NCAM2: variants seen among roughly 807,000 people sequenced by gnomAD.
NCAM2 encodes neural cell adhesion molecule 2, also known as N-CAM-2.
In NCAM2, 30 loss-of-function variants were observed where a neutral mutation model predicts 98.1. The ratio of observed to expected loss-of-function variants is 0.31; its 90% CI spans 0.23 to 0.41. The LOEUF (loss-of-function observed/expected upper bound fraction) is 0.41, where lower values mean the gene tolerates loss of function less well. Among genes scored for constraint, NCAM2 ranks in the 10% least tolerant of loss-of-function variants. NCAM2 has a pLI of 1.00. For missense variants in NCAM2, 867 were observed against 1,005.8 expected (o/e 0.86, Z 1.87); for synonymous variants, 368 against 342.4 (o/e 1.07, Z -0.83).
At chr21:21,086,706 C>A (rs2065911630) in intron 1 of NCAM2, among the ~76,000 whole-genome samples, 1 of 152,058 alleles carries the variant, frequency 6.6e-6, no homozygotes, top group African/African-American at 2.4e-5. Context: ...TTTTGGGGTA[C>A]TGAAATGTGC....
chr21:21,394,237 T>C (rs919919746), intron 9 of NCAM2, among the ~76,000 whole-genome samples: 5 of 152,158 alleles, frequency 3.3e-5, no homozygotes, highest in African/African-American at 1.2e-4. Flanking sequence ...CTGAATCCAG[T>C]TAATTGTCAT....
intron 5 of NCAM2, among the ~76,000 whole-genome samples, chr21:21,311,988 C>T (rs964977040): frequency 3.3e-5 from 5 of 152,082 alleles, no homozygotes; most frequent in African/African-American, 7.2e-5. Flanking sequence ...TCTGACTGTA[C>T]GTCTTAAATC....
intron 1 of NCAM2, among the ~76,000 whole-genome samples, chr21:21,109,366 G>C (rs1003191245): frequency 6.6e-6 from 1 of 151,982 alleles, no homozygotes; most frequent in African/African-American, 2.4e-5. Flanking sequence ...CCATGAATTA[G>C]CTTTCACAGG....
intron 9 of NCAM2, among the ~76,000 whole-genome samples, chr21:21,409,358 G>A (rs1015402617): frequency 3.3e-5 from 5 of 152,190 alleles, no homozygotes; most frequent in South Asian, 2.1e-4. Context: ...ATAGGGAATC[G>A]TAAGAATAGG....
In NCAM2 at chr21:21,455,603, A is replaced by G. The variant is rs79371971; in HGVS notation, c.1655-11003A>G. 3.7e-3 allele frequency among the ~76,000 whole-genome samples: 564 copies of G among 152,152 alleles called. 5 individuals carry two copies. The highest frequency in any genetic ancestry group is 0.012 in the African/African-American group (505 of 41,560). ...TCAAAATAACGTGTAATCTTTCAAA[A>G]TAGCATTAGAAAAATATAATGCAAT... On this transcript the variant is annotated intron_variant, in intron 12 of 17. Transcript: ENST00000400546.
intron 1 of NCAM2, among the ~76,000 whole-genome samples, chr21:21,144,658 C>A (rs2067236468): frequency 6.6e-6 from 1 of 151,952 alleles, no homozygotes; most frequent in Admixed American, 6.6e-5. Context: ...TTTGAATTCC[C>A]CTTGAAATAC....
intron 1 of NCAM2, among the ~76,000 whole-genome samples, chr21:21,188,544 A>C (rs2068714325): frequency 6.6e-6 from 1 of 152,184 alleles, no homozygotes; most frequent in African/African-American, 2.4e-5. Context: ...GCTCTTATTA[A>C]ACATAATGCA....
intron 8 of NCAM2, among the ~76,000 whole-genome samples, chr21:21,364,490 C>T (rs1228211614): frequency 6.6e-6 from 1 of 151,812 alleles, no homozygotes; most frequent in Non-Finnish European, 1.5e-5. Context: ...AGTAATTATA[C>T]ATATAGACTA....
intron 8 of NCAM2, among the ~76,000 whole-genome samples, chr21:21,352,845 A>G (rs2075379622): frequency 6.6e-6 from 1 of 150,914 alleles, no homozygotes; most frequent in South Asian, 2.1e-4. Context: ...AAAAAAAAGA[A>G]AGTGTTTTTG....
At chr21:20,998,766 C>T (rs1601042103) in intron 1 of NCAM2, 148 bp downstream of exon 1, 1 of 782,848 alleles carries the variant, frequency 1.3e-6, no homozygotes, top group Non-Finnish European at 2.1e-6. Context: ...CGTTCTTTCT[C>T]CTAGCTGTCC....
At chr21:21,280,850 C>T (rs1340647130) in intron 2 of NCAM2, among the ~76,000 whole-genome samples, 198 bp downstream of exon 2, 3 of 151,294 alleles carry the variant, frequency 2.0e-5, no homozygotes, top group Non-Finnish European at 4.4e-5. Flanking sequence ...AGTGTGATCT[C>T]GGCTCACTGC....
At chr21:21,117,741 A>G (rs556664170) in intron 1 of NCAM2, among the ~76,000 whole-genome samples, 2 of 152,230 alleles carry the variant, frequency 1.3e-5, no homozygotes, top group African/African-American at 2.4e-5. Context: ...TTCAAAGCAT[A>G]TATCTTTGTT....
intron 14 of NCAM2, among the ~76,000 whole-genome samples, chr21:21,476,348 G>A (rs889327222): frequency 3.3e-5 from 5 of 151,822 alleles, no homozygotes; most frequent in African/African-American, 1.2e-4. Flanking sequence ...TTTTTTAAGT[G>A]GTTATGATCT....
At chr21:21,501,411 G>A (rs766442120) in intron 15 of NCAM2, among the ~76,000 whole-genome samples, 26 of 151,754 alleles carry the variant, frequency 1.7e-4, no homozygotes, top group Non-Finnish European at 3.5e-4. Flanking sequence ...CTCCTTTGTC[G>A]TGTCTTTTGT....
rs760570969 is a variant in NCAM2, at chr21:21,373,871, C to T, written c.1053C>T (p.Asp351=). Residue 351 remains aspartate, a synonymous_variant, in exon 9 of 18, where the codon GAC becomes GAT. Transcript: ENST00000400546. The stretch of plus-strand genomic sequence containing the variant: ...TGAATCGATGTAAACAGAGCCTGGA[C>T]GGCCGTATCGAAGTCAAAGGGCAGC... ...FTFTEGDKSL[D]GRIEVKGQHG... 2.2e-5 allele frequency: 36 copies of T among 1,605,022 alleles called. 1 individual carries two copies. Among genetic ancestry groups the T allele is most frequent in the South Asian group, 1.0e-4 (9 of 90,144 alleles).
intron 1 of NCAM2, among the ~76,000 whole-genome samples, chr21:21,080,429 C>T (rs909285704): frequency 2.0e-5 from 3 of 151,710 alleles, no homozygotes; most frequent in Non-Finnish European, 4.4e-5. Flanking sequence ...CCAGCCTGAC[C>T]AACATGGAGA....
At chr21:21,262,658 CAA>C (rs33912324) in intron 1 of NCAM2, among the ~76,000 whole-genome samples, 38 of 78,968 alleles carry the variant, frequency 4.8e-4, no homozygotes, top group African/African-American at 1.8e-3. Flanking sequence ...AACAATCAGT[CAA>C]AAAAAAAAAA....
intron 9 of NCAM2, among the ~76,000 whole-genome samples, chr21:21,386,901 T>G (rs999783618): frequency 6.6e-6 from 1 of 152,164 alleles, no homozygotes; most frequent in Non-Finnish European, 1.5e-5. Context: ...TGTTTAACAG[T>G]CAGAAATACT....
intron 15 of NCAM2, among the ~76,000 whole-genome samples, chr21:21,492,998 C>T (rs971420891): frequency 9.9e-4 from 150 of 151,930 alleles, no homozygotes; most frequent in Middle Eastern, 3.4e-3. Context: ...TGCAAACTAC[C>T]CTTGGCTCTT....
Sources: gnomAD v4.1 joint callset for allele counts (sites outside exome capture counted in the v4.1 genomes callset) on GRCh38, gnomAD v4.1.1 for gene constraint, MANE v1.5 for transcripts, NCBI Gene and HGNC (gene_info 2026-07-23, HGNC 2026-07-21) for gene names.